CDH12: variants seen among roughly 807,000 people sequenced by gnomAD.
CDH12 encodes cadherin 12.
A neutral mutation model predicts 74.1 loss-of-function variants in CDH12; 41 were observed. The ratio of observed to expected loss-of-function variants is 0.55; its 90% CI spans 0.43 to 0.72. The LOEUF (loss-of-function observed/expected upper bound fraction) is 0.72, where lower values mean the gene tolerates loss of function less well. Among genes scored for constraint, CDH12 ranks in the 30% least tolerant of loss-of-function variants. CDH12 has a pLI of 0.00. For missense variants in CDH12, 945 were observed against 977.2 expected (o/e 0.97, Z 0.44); for synonymous variants, 399 against 355.0 (o/e 1.12, Z -1.39).
rs545735110 is a variant in CDH12, at chr5:22,337,191, T to C, written c.-333+68066A>G. On this transcript the variant is annotated intron_variant, in intron 3 of 14. Transcript: ENST00000382254. The stretch of plus-strand genomic sequence containing the variant: ...GTATTTACCCAATGCCAGTACCCCA[T>C]TGTATCTAGGAAGTACCTATCTTGC... 2.2e-4 allele frequency among the ~76,000 whole-genome samples: 33 copies of C among 152,280 alleles called. 1 individual carries two copies. The highest frequency in any genetic ancestry group is 7.9e-4 in the African/African-American group (33 of 41,564).
chr5:22,783,201 TA>T (rs1747468226), intron 1 of CDH12, among the ~76,000 whole-genome samples: 1 of 152,194 alleles, frequency 6.6e-6, no homozygotes, highest in Non-Finnish European at 1.5e-5. Context: ...AACATATTTA[TA>T]AATATGCACG....
rs574099057 is a variant in CDH12, at chr5:22,291,704, T to C, written c.-332-79061A>G. The stretch of plus-strand genomic sequence containing the variant: ...CTGATTAAATAGACTGAAGAAGACA[T>C]AAATGCATGAAATAACAAATGTCTT... On this transcript the variant is annotated intron_variant, in intron 3 of 14. Coordinates refer to ENST00000382254, the MANE Select transcript of CDH12 (RefSeq NM_004061.5). Among the ~76,000 whole-genome samples, 4 of 152,218 alleles carry C rather than the reference T, an allele frequency of 2.6e-5. No individual in the cohort carries two copies. In the South Asian group the frequency reaches 8.3e-4, roughly 32 times the overall value.
At chr5:22,352,701 A>G (rs533421617) in intron 3 of CDH12, among the ~76,000 whole-genome samples, 2 of 152,332 alleles carry the variant, frequency 1.3e-5, no homozygotes, top group East Asian at 3.9e-4. Flanking sequence ...TTCGAGATTA[A>G]TAGAAACACT....
intron 3 of CDH12, among the ~76,000 whole-genome samples, chr5:22,232,295 AT>A (rs1213641851): frequency 1.3e-5 from 2 of 152,010 alleles, no homozygotes; most frequent in East Asian, 1.9e-4. Context: ...TAACAATATG[AT>A]TTTTTTAAAA....
chr5:21,867,291 G>T (rs962818344), intron 6 of CDH12, among the ~76,000 whole-genome samples: 1 of 152,176 alleles, frequency 6.6e-6, no homozygotes, highest in African/African-American at 2.4e-5. Flanking sequence ...GGAGGCGGAG[G>T]TTGCAGTGAG....
intron 3 of CDH12, among the ~76,000 whole-genome samples, chr5:22,237,989 C>T (rs756375877): frequency 6.6e-6 from 1 of 152,138 alleles, no homozygotes; most frequent in Non-Finnish European, 1.5e-5. Context: ...AGCGATTGAC[C>T]TTCTCTTCTC....
chr5:22,023,065 A>G (rs537280586), intron 5 of CDH12, among the ~76,000 whole-genome samples: 30 of 152,112 alleles, frequency 2.0e-4, no homozygotes, highest in Non-Finnish European at 3.1e-4. Flanking sequence ...TTTCAACTAT[A>G]TTTACTGTAG....
At chr5:22,582,778 C>A (rs757034196) in intron 1 of CDH12, among the ~76,000 whole-genome samples, 1 of 151,976 alleles carries the variant, frequency 6.6e-6, no homozygotes, top group Non-Finnish European at 1.5e-5. Context: ...AAGTTTACTG[C>A]AATTGTATCA....
In CDH12 at chr5:22,236,523, A is replaced by C. The variant is rs566409955; in HGVS notation, c.-332-23880T>G. 3.3e-5 allele frequency among the ~76,000 whole-genome samples: 5 copies of C among 152,018 alleles called. No homozygotes were observed. In the East Asian group the frequency reaches 9.7e-4, roughly 29 times the overall value. The stretch of plus-strand genomic sequence containing the variant: ...CGAGGTGGGCAGATCACTTAAGGTC[A>C]GGAGTTTAAGACCAGCCTGGCCAAC... On this transcript the variant is annotated intron_variant, in intron 3 of 14. Coordinates refer to ENST00000382254, the MANE Select transcript of CDH12 (RefSeq NM_004061.5).
intron 2 of CDH12, among the ~76,000 whole-genome samples, chr5:22,410,669 C>A (rs1743135663): frequency 6.6e-6 from 1 of 152,012 alleles, no homozygotes; most frequent in African/African-American, 2.4e-5. Flanking sequence ...CTGCCTTTTG[C>A]AAGTTGATTT....
intron 3 of CDH12, among the ~76,000 whole-genome samples, chr5:22,302,680 C>A (rs1420906122): frequency 6.6e-6 from 1 of 151,978 alleles, no homozygotes; most frequent in East Asian, 1.9e-4. Context: ...ACAAAGTTAT[C>A]AGTGTACAGG....
intron 1 of CDH12, among the ~76,000 whole-genome samples, chr5:22,758,534 T>C (rs1428216842): frequency 4.0e-5 from 6 of 150,032 alleles, no homozygotes; most frequent in Non-Finnish European, 7.5e-5. Flanking sequence ...ATTTGATTTA[T>C]AGTTTTTTTT....
intron 1 of CDH12, among the ~76,000 whole-genome samples, chr5:22,744,911 T>G (rs1745216690): frequency 1.3e-5 from 2 of 152,006 alleles, no homozygotes; most frequent in Non-Finnish European, 2.9e-5. Flanking sequence ...TAATAGTAAA[T>G]TCCTAACAGG....
At chr5:22,461,794 G>GTT (rs5866565) in intron 2 of CDH12, among the ~76,000 whole-genome samples, 130 of 148,374 alleles carry the variant, frequency 8.8e-4, no homozygotes, top group South Asian at 4.7e-3. Context: ...TAATTTTCAT[G>GTT]TTTTTTTTTC....
At chr5:22,429,198 C>T (rs115944482) in intron 2 of CDH12, among the ~76,000 whole-genome samples, 162 of 152,050 alleles carry the variant, frequency 1.1e-3, no homozygotes, top group African/African-American at 3.7e-3. Flanking sequence ...GTGGTGCGAT[C>T]ATGACTCATG....
chr5:21,993,068 C>T (rs1245653959), intron 5 of CDH12, among the ~76,000 whole-genome samples: 2 of 152,054 alleles, frequency 1.3e-5, no homozygotes, highest in African/African-American at 4.8e-5. Flanking sequence ...GGGACATCTG[C>T]CCTCAGGATC....
intron 4 of CDH12, among the ~76,000 whole-genome samples, chr5:22,081,144 T>C (rs1396002062): frequency 3.9e-5 from 6 of 152,142 alleles, no homozygotes; most frequent in Non-Finnish European, 8.8e-5. Flanking sequence ...CATTTACATT[T>C]TGAATTATTT....
chr5:21,922,938 G>T (rs866343407), intron 6 of CDH12, among the ~76,000 whole-genome samples: 3 of 145,930 alleles, frequency 2.1e-5, no homozygotes, highest in African/African-American at 5.1e-5. Flanking sequence ...GTGTGTATGT[G>T]TATCTATATC....
chr5:22,828,069 T>A (rs1364167383), intron 1 of CDH12, among the ~76,000 whole-genome samples: 1 of 152,150 alleles, frequency 6.6e-6, no homozygotes, highest in African/African-American at 2.4e-5. Context: ...ATTTGGATTA[T>A]ACGGTTTCAT....
Sources: allele counts gnomAD v4.1 joint callset (sites outside exome capture counted in the v4.1 genomes callset), GRCh38; gene constraint gnomAD v4.1.1; transcripts MANE v1.5; gene names NCBI Gene and HGNC (gene_info 2026-07-23, HGNC 2026-07-21).